The following PDZRN4 variants were observed in gnomAD, a reference collection of about 807,000 sequenced individuals.
PDZRN4 encodes PDZ domain containing ring finger 4.
A neutral mutation model predicts 99.0 loss-of-function variants in PDZRN4; 70 were observed. The ratio of observed to expected loss-of-function variants is 0.71; its 90% CI spans 0.58 to 0.86. The LOEUF (loss-of-function observed/expected upper bound fraction) is 0.86, where lower values mean the gene tolerates loss of function less well. Ranked by LOEUF, PDZRN4 falls within the 40% of genes least tolerant of loss-of-function variation. PDZRN4 has a pLI of 0.00. For synonymous variants in PDZRN4, 551 were observed against 501.6 expected (o/e 1.10, Z -1.32); for missense variants, 1,474 against 1,331.2 (o/e 1.11, Z -1.67).
chr12:41,353,036 G>T, intron 3 of PDZRN4, among the ~76,000 whole-genome samples: 1 of 152,046 alleles, frequency 6.6e-6, no homozygotes, highest in Non-Finnish European at 1.5e-5. Flanking sequence ...AGGTTGGGTA[G>T]ATCTGGGAAA....
At chr12:41,478,530 T>C (rs919287418) in intron 3 of PDZRN4, among the ~76,000 whole-genome samples, 27 of 152,208 alleles carry the variant, frequency 1.8e-4, no homozygotes, top group African/African-American at 5.5e-4. Flanking sequence ...CCTATTATAA[T>C]ATGTAAAATG....
At chr12:41,319,829 G>A (rs1229225175) in intron 3 of PDZRN4, among the ~76,000 whole-genome samples, 2 of 152,198 alleles carry the variant, frequency 1.3e-5, no homozygotes, top group Non-Finnish European at 2.9e-5. Context: ...CACCCCGGGT[G>A]CAATATGCCT....
chr12:41,263,278 C>T (rs1176695095), intron 3 of PDZRN4, among the ~76,000 whole-genome samples: 3 of 152,046 alleles, frequency 2.0e-5, no homozygotes, highest in Admixed American at 6.5e-5. Flanking sequence ...AATAGTTGGG[C>T]GCGGTTGCTC....
chr12:41,454,169 T>G (rs1952799320), intron 3 of PDZRN4, among the ~76,000 whole-genome samples: 1 of 152,106 alleles, frequency 6.6e-6, no homozygotes, highest in African/African-American at 2.4e-5. Context: ...TCTTCCTAGG[T>G]TTTTCTTGGA....
intron 3 of PDZRN4, among the ~76,000 whole-genome samples, chr12:41,497,288 C>T (rs1388926461): frequency 6.6e-6 from 1 of 152,040 alleles, no homozygotes; most frequent in East Asian, 1.9e-4. Flanking sequence ...TGTTTAATGA[C>T]AATGACATTT....
intron 3 of PDZRN4, among the ~76,000 whole-genome samples, chr12:41,214,304 C>G (rs1950906591): frequency 6.9e-6 from 1 of 145,432 alleles, no homozygotes; most frequent in Non-Finnish European, 1.5e-5. Flanking sequence ...TGGTACATGC[C>G]TGTAGTTCCA....
chr12:41,562,411 T>A (rs1349416718), intron 7 of PDZRN4, among the ~76,000 whole-genome samples: 1 of 152,136 alleles, frequency 6.6e-6, no homozygotes, highest in Non-Finnish European at 1.5e-5. Context: ...TAAGCAGAAG[T>A]CCTTAGTGAA....
chr12:41,473,411 T>G (rs1431223126), intron 3 of PDZRN4: 1 of 152,202 alleles, frequency 6.6e-6, no homozygotes, highest in Admixed American at 6.5e-5. Context: ...AATGGGATTG[T>G]GCTCAGGTGC....
chr12:41,318,978 C>T (rs780771222), intron 3 of PDZRN4, among the ~76,000 whole-genome samples: 3 of 152,096 alleles, frequency 2.0e-5, no homozygotes, highest in Non-Finnish European at 4.4e-5. Context: ...AAATAAGTAA[C>T]TTCTTCATGC....
intron 3 of PDZRN4, among the ~76,000 whole-genome samples, chr12:41,495,851 C>T (rs545607700): frequency 5.9e-5 from 9 of 151,990 alleles, no homozygotes; most frequent in Non-Finnish European, 1.2e-4. Context: ...CTCCTTTCTC[C>T]CATCTGTGCA....
Position 41,223,041 on chromosome 12 carries a change from G to A in PDZRN4, c.843+28853G>A, listed in dbSNP as rs146128876. 2.4e-4 allele frequency among the ~76,000 whole-genome samples: 37 copies of A among 152,108 alleles called. No homozygotes were observed. In the East Asian group the frequency reaches 5.8e-3, roughly 24 times the overall value. ...TTAGCTTGGTGCAAAAGTAATTGCC[G>A]TGTTTGCCTTCTTTTAAATGGCAAA... On this transcript the variant is annotated intron_variant, in intron 3 of 9. Coordinates refer to ENST00000402685, the MANE Select transcript of PDZRN4 (RefSeq NM_001164595.2).
intron 3 of PDZRN4, among the ~76,000 whole-genome samples, chr12:41,480,639 T>C (rs528588095): frequency 2.0e-4 from 31 of 152,302 alleles, no homozygotes; most frequent in African/African-American, 7.5e-4. Flanking sequence ...ATTAATTTTT[T>C]CCCAATATCA....
chr12:41,237,587 T>C (rs926468999), intron 3 of PDZRN4, among the ~76,000 whole-genome samples: 2 of 152,168 alleles, frequency 1.3e-5, no homozygotes, highest in Admixed American at 1.3e-4. Context: ...CTTCTAGGAT[T>C]TTTATAATTT....
chr12:41,469,473 A>G (rs1382651547), intron 3 of PDZRN4, among the ~76,000 whole-genome samples: 1 of 152,212 alleles, frequency 6.6e-6, no homozygotes, highest in African/African-American at 2.4e-5. Flanking sequence ...AGTGACTTGT[A>G]CTGCTGTGTT....
At chr12:41,350,585 G>A (rs1329436938) in intron 3 of PDZRN4, among the ~76,000 whole-genome samples, 1 of 152,020 alleles carries the variant, frequency 6.6e-6, no homozygotes, top group East Asian at 1.9e-4. Context: ...ATTCTCAAGA[G>A]GGTTGTATTC....
At chr12:41,191,781 TTTATTTTG>T (rs1486567328) in intron 2 of PDZRN4, among the ~76,000 whole-genome samples, 33 of 18,346 alleles carry the variant, frequency 1.8e-3, no homozygotes, top group South Asian at 4.2e-3. Context: ...TATTTATTTA[TTTATTTTG>T]TTTGTTTGTT....
intron 5 of PDZRN4, among the ~76,000 whole-genome samples, chr12:41,532,063 C>T (rs1332420440): frequency 6.6e-6 from 1 of 151,938 alleles, no homozygotes; most frequent in African/African-American, 2.4e-5. Flanking sequence ...ACAATTTGGC[C>T]TTTTACTTTA....
chr12:41,502,247 C>T (rs77347687), intron 3 of PDZRN4, among the ~76,000 whole-genome samples: 11,164 of 152,018 alleles, frequency 0.073, 991 homozygotes, highest in African/African-American at 0.19. Context: ...ACTAGTTGCC[C>T]GGTTACAATG....
chr12:41,206,159 G>C (rs1301247041), intron 3 of PDZRN4, among the ~76,000 whole-genome samples: 1 of 151,928 alleles, frequency 6.6e-6, no homozygotes, highest in African/African-American at 2.4e-5. Context: ...TTGTTTTGTG[G>C]ACGTATGCAT....
Sources: allele counts gnomAD v4.1 joint callset (sites outside exome capture counted in the v4.1 genomes callset), GRCh38; gene constraint gnomAD v4.1.1; transcripts MANE v1.5; gene names NCBI Gene and HGNC (gene_info 2026-07-23, HGNC 2026-07-21).